Variants in KIAA0825 observed in about 807,000 individuals in gnomAD.
KIAA0825 encodes the protein uncharacterized protein KIAA0825.
Under a neutral mutation model 147.6 loss-of-function variants are expected in KIAA0825, and 119 were observed. That is an observed-to-expected ratio of 0.81 (90% confidence interval 0.69 to 0.94). KIAA0825 has a LOEUF of 0.94. KIAA0825 is among the 40% of genes least tolerant of loss of function. KIAA0825 has a pLI of 0.00. For synonymous variants in KIAA0825, 470 were observed against 518.1 expected, an observed-to-expected ratio of 0.91 and a Z score of 1.26; for missense variants, 1,381 against 1,472.7, an observed-to-expected ratio of 0.94 and a Z score of 1.02.
At chr5:94,553,608 T>C (rs1324618600) in intron 2 of KIAA0825, among the ~76,000 whole-genome samples, 1 of 150,366 alleles carries the variant, frequency 6.7e-6, no homozygotes, top group African/African-American at 2.4e-5. Context: ...CTACTAAAAA[T>C]ACAAAAAATT....
At position 94,582,558 on chromosome 5, in the gene KIAA0825, T is replaced by C. The variant is rs1444754110; in HGVS notation, c.-127A>G. The C allele has an allele frequency of 6.6e-6, 1 of 152,148 alleles. No homozygotes were observed. Among genetic ancestry groups the C allele is most frequent in the African/African-American group, 2.4e-5 (1 of 41,428 alleles). 9.4% of individuals were successfully genotyped at this position (152,148 alleles called of 1,614,324 possible). On this transcript the variant is annotated 5_prime_UTR_variant, in exon 2 of 21. Transcript: ENST00000682413. Reference sequence around the variant, plus strand: ...TTTCTAGTAACTTCAGCAACGTTTTTTTTTCCCAAAGTATGTAAAATGTAC... The same window carrying C: ...TTTCTAGTAACTTCAGCAACGTTTTCTTTTCCCAAAGTATGTAAAATGTAC...
intron 20 of KIAA0825, among the ~76,000 whole-genome samples, chr5:94,155,065 C>G (rs1766909342): frequency 6.6e-6 from 1 of 152,158 alleles, no homozygotes; most frequent in African/African-American, 2.4e-5. Flanking sequence ...AAACAAGCAG[C>G]TACTCACTGA....
intron 3 of KIAA0825, among the ~76,000 whole-genome samples, chr5:94,533,615 C>T (rs987166974): frequency 2.6e-5 from 4 of 152,146 alleles, no homozygotes; most frequent in Admixed American, 1.3e-4. Flanking sequence ...ACTTCTGTAC[C>T]TCAGTATCTT....
At chr5:94,498,272 C>G (rs1203627662) in intron 5 of KIAA0825, among the ~76,000 whole-genome samples, 2 of 152,184 alleles carry the variant, frequency 1.3e-5, no homozygotes, top group Non-Finnish European at 2.9e-5. Context: ...CCCAGCACTT[C>G]TTTTGCTCTT....
intron 5 of KIAA0825, among the ~76,000 whole-genome samples, chr5:94,490,969 G>A (rs1763666882): frequency 6.6e-6 from 1 of 152,070 alleles, no homozygotes; most frequent in Admixed American, 6.5e-5. Context: ...AAAAATACAG[G>A]TAGTGGCTGC....
intron 1 of KIAA0825, among the ~76,000 whole-genome samples, chr5:94,609,714 C>T (rs1010802289): frequency 2.0e-5 from 3 of 151,938 alleles, no homozygotes; most frequent in Non-Finnish European, 4.4e-5. Flanking sequence ...AGTGGGAGGC[C>T]GAGGCAGGAG....
intron 20 of KIAA0825, among the ~76,000 whole-genome samples, chr5:94,183,147 C>T (rs2149982017): frequency 6.6e-6 from 1 of 152,240 alleles, no homozygotes; most frequent in East Asian, 1.9e-4. Context: ...ACTCTTTACA[C>T]TATTCCTCAT....
chr5:94,362,598 C>T (rs1380875324), intron 20 of KIAA0825, among the ~76,000 whole-genome samples: 2 of 140,002 alleles, frequency 1.4e-5, no homozygotes, highest in South Asian at 2.3e-4. Flanking sequence ...TCTTCCCCTC[C>T]TCTGTGATCT....
At chr5:94,321,948 T>A (rs147616380) in intron 20 of KIAA0825, among the ~76,000 whole-genome samples, 1 of 152,072 alleles carries the variant, frequency 6.6e-6, no homozygotes, top group African/African-American at 2.4e-5. Context: ...CTACTCTGAA[T>A]TCCAAACAAA....
chr5:94,427,377 T>A (rs977715986), intron 14 of KIAA0825, among the ~76,000 whole-genome samples: 1 of 151,968 alleles, frequency 6.6e-6, no homozygotes, highest in East Asian at 1.9e-4. Flanking sequence ...CTACAAAAAA[T>A]TTTCTAAAAA....
At chr5:94,232,718 A>G (rs1378439256) in intron 20 of KIAA0825, among the ~76,000 whole-genome samples, 1 of 151,990 alleles carries the variant, frequency 6.6e-6, no homozygotes, top group Non-Finnish European at 1.5e-5. Flanking sequence ...TTGCCAAAAA[A>G]TGAAGCTCAT....
intron 2 of KIAA0825, chr5:94,567,972 G>A: frequency 6.3e-6 from 1 of 158,628 alleles, no homozygotes; most frequent in Non-Finnish European, 1.4e-5. Context: ...CTATGCCTAG[G>A]CGCCACCACC....
At chr5:94,293,098 C>T (rs1475380336) in intron 20 of KIAA0825, among the ~76,000 whole-genome samples, 9 of 150,962 alleles carry the variant, frequency 6.0e-5, no homozygotes, top group South Asian at 2.1e-4. Flanking sequence ...AGGTTTTACA[C>T]GTCTCTATCT....
At chr5:94,350,613 G>T (rs1430727487) in intron 20 of KIAA0825, among the ~76,000 whole-genome samples, 1 of 152,174 alleles carries the variant, frequency 6.6e-6, no homozygotes, top group Admixed American at 6.5e-5. Context: ...CAGGGATGCA[G>T]GGATGGTTTA....
chr5:94,247,444 T>C (rs1775688096), intron 20 of KIAA0825, among the ~76,000 whole-genome samples: 1 of 152,130 alleles, frequency 6.6e-6, no homozygotes, highest in African/African-American at 2.4e-5. Context: ...CATCTTAATT[T>C]TATTTACATC....
intron 5 of KIAA0825, chr5:94,519,642 C>T: frequency 1.6e-6 from 1 of 636,952 alleles, no homozygotes. Flanking sequence ...AACTACAATA[C>T]AGAATTTTAT....
At chr5:94,171,716 A>G (rs1768633969) in intron 20 of KIAA0825, among the ~76,000 whole-genome samples, 1 of 152,152 alleles carries the variant, frequency 6.6e-6, no homozygotes, top group Non-Finnish European at 1.5e-5. Flanking sequence ...TACCTCCATA[A>G]TTAAGATTGT....
chr5:94,557,957 A>C (rs775871855), intron 2 of KIAA0825, among the ~76,000 whole-genome samples: 4 of 152,148 alleles, frequency 2.6e-5, no homozygotes, highest in Admixed American at 6.5e-5. Context: ...TGGATCTGGC[A>C]GGGTGTCTGC....
rs58497890 is a variant in KIAA0825, at chr5:94,563,195, CAA to C, written c.-2+19236_-2+19237del. Reference sequence around the variant, plus strand: ...TCTCCACTAAAAATACCAAAAAAAACAAAAAAAAAAAAATCAGCTGGGCGTGG... The same window carrying C: ...TCTCCACTAAAAATACCAAAAAAAACAAAAAAAAAAATCAGCTGGGCGTGG... On this transcript the variant is annotated intron_variant, in intron 2 of 20. Transcript: ENST00000682413. Among the ~76,000 whole-genome samples, 618 of 140,256 alleles carry C rather than the reference CAA, an allele frequency of 4.4e-3. 3 individuals carry two copies. The highest frequency in any genetic ancestry group is 0.015 in the African/African-American group (593 of 38,284). 92.0% of individuals were successfully genotyped at this position (140,256 alleles called of 152,430 possible).
Sources: allele counts gnomAD v4.1 joint callset (sites outside exome capture counted in the v4.1 genomes callset), GRCh38; gene constraint gnomAD v4.1.1; transcripts MANE v1.5; gene names NCBI Gene and HGNC (gene_info 2026-07-23, HGNC 2026-07-21).